DPP10: variants seen among roughly 807,000 people sequenced by gnomAD.
The protein encoded by DPP10 is dipeptidyl peptidase like 10.
In DPP10, 33 loss-of-function variants were observed where a neutral mutation model predicts 120.9. The ratio of observed to expected loss-of-function variants is 0.27; its 90% CI spans 0.21 to 0.37. DPP10 has a LOEUF of 0.37. DPP10 is among the 10% of genes least tolerant of loss of function. The pLI is 1.00. For synonymous variants in DPP10, 337 were observed against 326.1 expected, an observed-to-expected ratio of 1.03 and a Z score of -0.36; for missense variants, 816 against 942.8, an observed-to-expected ratio of 0.87 and a Z score of 1.76.
chr2:114,711,858 A>G (rs1701050549), intron 1 of DPP10, among the ~76,000 whole-genome samples: 1 of 152,222 alleles, frequency 6.6e-6, no homozygotes, highest in Non-Finnish European at 1.5e-5. Flanking sequence ...TTCATCTGGA[A>G]TAATTAACTT....
intron 5 of DPP10, among the ~76,000 whole-genome samples, chr2:115,605,550 T>C (rs1218078848): frequency 2.0e-5 from 3 of 152,076 alleles, no homozygotes; most frequent in Non-Finnish European, 2.9e-5. Flanking sequence ...TAATTTCGCT[T>C]TTTTTACAGT....
intron 5 of DPP10, among the ~76,000 whole-genome samples, chr2:115,560,945 A>G (rs1285438067): frequency 6.6e-6 from 1 of 152,140 alleles, no homozygotes; most frequent in Non-Finnish European, 1.5e-5. Flanking sequence ...TTCAAGTGAA[A>G]GTGAAAGAGC....
At chr2:115,125,731 AG>A (rs754325458) in intron 1 of DPP10, among the ~76,000 whole-genome samples, 2 of 151,600 alleles carry the variant, frequency 1.3e-5, no homozygotes, top group Non-Finnish European at 1.5e-5. Flanking sequence ...TCCACCACAC[AG>A]GGCTAATTTT....
Position 114,507,031 on chromosome 2 carries a change from C to CT in DPP10, c.60+64201dup, listed in dbSNP as rs561226485. Among the ~76,000 whole-genome samples the CT allele has an allele frequency of 6.8e-5, 10 of 148,034 alleles. No individual in the cohort carries two copies. The East Asian group carries it at 1.6e-3, about 23-fold the overall frequency. Reference sequence around the variant, plus strand: ...CAGTGGGTCTGAATTATTCAGTTTTCTTTTTTTTCTTTTTTTTTCTTTTTT... The same window carrying CT: ...CAGTGGGTCTGAATTATTCAGTTTTCTTTTTTTTTCTTTTTTTTTCTTTTTT... On this transcript the variant is annotated intron_variant, in intron 1 of 25. Coordinates refer to ENST00000410059, the MANE Select transcript of DPP10 (RefSeq NM_020868.6).
chr2:115,043,300 TCTCGAAAAGGTCAGTCTTA>T (rs1704806950), intron 1 of DPP10, among the ~76,000 whole-genome samples: 1 of 152,174 alleles, frequency 6.6e-6, no homozygotes, highest in Admixed American at 6.5e-5. Context: ...TCAAAATCAA[TCTCGAAAAGGTCAGTCTTA>T]CTTGAAAAAT....
intron 3 of DPP10, chr2:115,468,395 C>A: frequency 2.0e-6 from 1 of 495,704 alleles, no homozygotes; most frequent in East Asian, 5.6e-5. Context: ...TCCTGGCAGC[C>A]TTTCAGGAGC....
At chr2:115,283,747 T>G (rs1038239501) in intron 1 of DPP10, among the ~76,000 whole-genome samples, 1 of 152,084 alleles carries the variant, frequency 6.6e-6, no homozygotes, top group Non-Finnish European at 1.5e-5. Flanking sequence ...TAACAGTGTT[T>G]CGGTCAGTGA....
intron 3 of DPP10, among the ~76,000 whole-genome samples, chr2:115,484,197 T>A (rs754756169): frequency 6.9e-4 from 105 of 151,634 alleles, no homozygotes; most frequent in South Asian, 2.7e-3. Context: ...TAGTCAATTT[T>A]CCTGTACTTA....
At chr2:115,188,540 C>G (rs1186267060) in intron 1 of DPP10, among the ~76,000 whole-genome samples, 1 of 152,042 alleles carries the variant, frequency 6.6e-6, no homozygotes, top group East Asian at 1.9e-4. Context: ...ATTCACAGAC[C>G]AGGTCATAAA....
At position 115,464,071 on chromosome 2, in the gene DPP10, A is replaced by G. The variant is rs542307114; in HGVS notation, c.272-35439A>G. 3.3e-5 allele frequency among the ~76,000 whole-genome samples: 5 copies of G among 152,042 alleles called. No homozygotes were observed. In the East Asian group the frequency reaches 9.7e-4, roughly 30 times the overall value. On this transcript the variant is annotated intron_variant, in intron 3 of 25. Transcript: ENST00000410059. ...CATAGGCTCTCTGAATCACGGCTTC[A>G]ATTGTTATAGGGTCCTCACTGTTCA...
At chr2:115,710,854 C>A (rs1264541037) in intron 7 of DPP10, among the ~76,000 whole-genome samples, 2 of 151,954 alleles carry the variant, frequency 1.3e-5, no homozygotes, top group African/African-American at 4.8e-5. Flanking sequence ...TGTTGGTAGC[C>A]TGTGTTACTC....
intron 1 of DPP10, among the ~76,000 whole-genome samples, chr2:115,194,957 T>C (rs2055157136): frequency 6.6e-6 from 1 of 152,198 alleles, no homozygotes; most frequent in Non-Finnish European, 1.5e-5. Flanking sequence ...AGAGAAATCG[T>C]GGCGGTGAAT....
chr2:114,882,644 T>C lies in DPP10; in HGVS notation c.61-426595T>C, dbSNP rs11884830. Among the ~76,000 whole-genome samples, 1,424 of 152,056 alleles carry C rather than the reference T, an allele frequency of 9.4e-3. 20 individuals carry two copies. The highest frequency in any genetic ancestry group is 0.033 in the African/African-American group (1,363 of 41,488). ...AAATCACCGCTAAAGAACTTATCCA[T>C]GTAAACAGAAAACCCCTGTACCCCA... On this transcript the variant is annotated intron_variant, in intron 1 of 25. Coordinates refer to ENST00000410059, the MANE Select transcript of DPP10 (RefSeq NM_020868.6).
chr2:115,788,562 A>T (rs1683588261), intron 17 of DPP10, among the ~76,000 whole-genome samples: 1 of 152,244 alleles, frequency 6.6e-6, no homozygotes, highest in African/African-American at 2.4e-5. Context: ...GATGATGTTT[A>T]TACAAATGCT....
chr2:114,911,595 C>T (rs1307397476), intron 1 of DPP10, among the ~76,000 whole-genome samples: 1 of 152,108 alleles, frequency 6.6e-6, no homozygotes, highest in African/African-American at 2.4e-5. Flanking sequence ...GGAGCAGTGA[C>T]ATTAATTTGG....
chr2:114,517,875 G>A (rs1406785035), intron 1 of DPP10, among the ~76,000 whole-genome samples: 1 of 152,118 alleles, frequency 6.6e-6, no homozygotes, highest in African/African-American at 2.4e-5. Context: ...GGAATGTGGA[G>A]GACCTCTGAG....
intron 3 of DPP10, among the ~76,000 whole-genome samples, chr2:115,428,715 C>A (rs186915455): frequency 6.6e-6 from 1 of 152,296 alleles, no homozygotes; most frequent in Admixed American, 6.5e-5. Flanking sequence ...AAAGAAATAG[C>A]ACTTGAACAT....
At chr2:114,778,988 T>A (rs796754150) in intron 1 of DPP10, among the ~76,000 whole-genome samples, 1 of 152,218 alleles carries the variant, frequency 6.6e-6, no homozygotes, top group African/African-American at 2.4e-5. Context: ...GCACCCTAGT[T>A]AATTCAATGC....
chr2:114,559,633 C>G (rs1318738192), intron 1 of DPP10, among the ~76,000 whole-genome samples: 2 of 152,124 alleles, frequency 1.3e-5, no homozygotes, highest in African/African-American at 4.8e-5. Context: ...TCCCTATTAG[C>G]TAGATTCCCC....
Sources: gnomAD v4.1 joint callset for allele counts (sites outside exome capture counted in the v4.1 genomes callset) on GRCh38, gnomAD v4.1.1 for gene constraint, MANE v1.5 for transcripts, NCBI Gene and HGNC (gene_info 2026-07-23, HGNC 2026-07-21) for gene names.